WASHC2C: variants seen among roughly 807,000 people sequenced by gnomAD.
The protein encoded by WASHC2C is Vaccinia Penetration Factor.
WASHC2C carries 73 observed loss-of-function variants against 142.2 expected under a neutral mutation model. That is an observed-to-expected ratio of 0.51 (90% CI 0.43 to 0.62). The LOEUF is 0.62. WASHC2C is among the 20% of genes least tolerant of loss of function. The pLI, the probability that WASHC2C is intolerant of heterozygous loss-of-function variation, is 0.00. For synonymous variants in WASHC2C, 337 were observed against 565.5 expected (o/e 0.60, Z 5.73); for missense variants, 969 against 1,531.7 (o/e 0.63, Z 6.13).
At chr10:45,727,368 T>C (rs1335456815) in intron 1 of WASHC2C, 48 bp downstream of exon 1, 6 of 1,605,748 alleles carry the variant, frequency 3.7e-6, no homozygotes, top group Non-Finnish European at 4.2e-6. Context: ...GGGGCCGCCG[T>C]CCCTGCCGCC....
chr10:45,744,588 G>A (rs1416572386), intron 6 of WASHC2C, among the ~76,000 whole-genome samples: 1 of 152,200 alleles, frequency 6.6e-6, no homozygotes, highest in Non-Finnish European at 1.5e-5. Flanking sequence ...TCTTTAAAGA[G>A]TACAAGCAAG....
At chr10:45,738,125 G>T in intron 4 of WASHC2C, 80 bp downstream of exon 4, 1 of 1,611,768 alleles carries the variant, frequency 6.2e-7, no homozygotes, top group Non-Finnish European at 8.5e-7. Flanking sequence ...GTGGGAACTG[G>T]GGGATGGTGG....
intron 8 of WASHC2C, among the ~76,000 whole-genome samples, chr10:45,749,857 T>TTA (rs1199440572): frequency 4.1e-4 from 36 of 88,802 alleles, no homozygotes; most frequent in South Asian, 1.3e-3. Context: ...ATATATATAT[T>TTA]TATATATATA....
intron 25 of WASHC2C, among the ~76,000 whole-genome samples, chr10:45,785,264 A>G (rs2057946068): frequency 6.6e-6 from 1 of 151,848 alleles, no homozygotes; most frequent in Non-Finnish European, 1.5e-5. Context: ...TTTCTATGTC[A>G]TTTTCTCCCC....
chr10:45,743,946 ACC>A (rs1554869786), intron 6 of WASHC2C, among the ~76,000 whole-genome samples: 4 of 150,918 alleles, frequency 2.7e-5, no homozygotes, highest in Non-Finnish European at 5.9e-5. Flanking sequence ...ATGGGGTTTC[ACC>A]ATATTGTCCA....
intron 10 of WASHC2C, 32 bp downstream of exon 10, chr10:45,750,870 G>C (rs1554874129): frequency 1.3e-6 from 2 of 1,544,234 alleles, no homozygotes; most frequent in Non-Finnish European, 1.7e-6. Flanking sequence ...GGGGAGTAGG[G>C]GAGGAGTAGT....
In WASHC2C at chr10:45,789,025, C is replaced by T; in HGVS notation, c.3242C>T (p.Pro1081Leu). 6.2e-7 allele frequency: 1 copy of T among 1,612,032 alleles called. No individual in the cohort carries two copies. ...GCCATTTCCCCAAATGGCCATCGGCCACAGCTCAGAGCAGCCAGTGGAGAA... is the reference window on the plus strand; with the variant it reads ...GCCATTTCCCCAAATGGCCATCGGCTACAGCTCAGAGCAGCCAGTGGAGAA... Reference protein sequence around the residue: ...DGAISPNGHRPQLRAASGEDS... With the variant: ...DGAISPNGHRLQLRAASGEDS... Residue 1081 changes from proline (P) to leucine (L), a missense_variant, in exon 29 of 31, where the codon CCA becomes CTA. Physicochemically the swap from Pro to Leu is moderately conservative, Grantham distance 98 (BLOSUM62 -3). Transcript: ENST00000623400.
intron 10 of WASHC2C, 64 bp downstream of exon 10, chr10:45,750,902 A>T (rs1214973606): frequency 7.0e-7 from 1 of 1,435,766 alleles, no homozygotes; most frequent in East Asian, 2.5e-5. Flanking sequence ...TGCTGGCTTC[A>T]CCAAAGGCGG....
At chr10:45,747,217 T>C (rs1301187761) in intron 8 of WASHC2C, among the ~76,000 whole-genome samples, 11 of 152,224 alleles carry the variant, frequency 7.2e-5, no homozygotes, top group Non-Finnish European at 1.6e-4. Context: ...CTCAGCTCAC[T>C]GCAACCTCCG....
intron 11 of WASHC2C, among the ~76,000 whole-genome samples, chr10:45,751,756 T>C (rs1192726676): frequency 6.6e-6 from 1 of 152,122 alleles, no homozygotes; most frequent in Admixed American, 6.5e-5. Flanking sequence ...GGCGGGTGGA[T>C]CATGAGGTCA....
At chr10:45,730,289 G>A (rs2050394575) in intron 3 of WASHC2C, among the ~76,000 whole-genome samples, 1 of 139,266 alleles carries the variant, frequency 7.2e-6, no homozygotes. Flanking sequence ...GGAGGTTGCG[G>A]TGAGCCGAGA....
In WASHC2C at chr10:45,752,686, T is replaced by C. The variant is rs782760585; in HGVS notation, c.1102T>C (p.Phe368Leu). 5.3e-5 allele frequency: 85 copies of C among 1,610,194 alleles called. 4 individuals are homozygous for C. In the South Asian group the frequency reaches 8.4e-4, roughly 16 times the overall value. Residue 368 changes from phenylalanine to leucine, a missense_variant, in exon 12 of 31, where the codon TTT becomes CTT. By Grantham distance (22) the Phe-to-Leu change is conservative. Transcript: ENST00000623400. The stretch of plus-strand genomic sequence containing the variant: ...CCTGTTCAGTGGCGGCAAGGGGCTA[T>C]TTGATGATGAGGACGAGGAGGTGAG... The part of the protein sequence containing the change: ...GGLFSGGKGL[F>L]DDEDEESDLF...
chr10:45,766,069 G>A (rs1330966667), intron 19 of WASHC2C, among the ~76,000 whole-genome samples: 1 of 152,176 alleles, frequency 6.6e-6, no homozygotes, highest in South Asian at 2.1e-4. Flanking sequence ...GGCCGGCTAG[G>A]GGGGAAATGA....
intron 19 of WASHC2C, among the ~76,000 whole-genome samples, chr10:45,768,286 G>GGA (rs1323281946): frequency 3.4e-5 from 5 of 149,128 alleles, no homozygotes; most frequent in African/African-American, 1.2e-4. Flanking sequence ...TGCTGACAGT[G>GGA]GATCCCAGCT....
In WASHC2C at chr10:45,792,343, T is replaced by C. The variant is rs2058439338; in HGVS notation, c.3969T>C (p.Phe1323=). 1 of 1,565,610 alleles carries C rather than the reference T, an allele frequency of 6.4e-7. No homozygotes were observed. Among genetic ancestry groups the C allele is most frequent in the African/African-American group, 1.4e-5 (1 of 72,756 alleles). ...CACAGGCCGCACCTGAACCAAGATT[T>C]GAACACAAGGTGTCCAACATCTTTG... ...RSAQAAPEPR[F]EHKVSNIFDD... The change falls in exon 31 of 31, where the codon TTT becomes TTC. Residue 1323 remains phenylalanine (F), a synonymous_variant. Transcript: ENST00000623400.
At chr10:45,780,058 G>A (rs1159442016) in intron 23 of WASHC2C, among the ~76,000 whole-genome samples, 57 of 151,630 alleles carry the variant, frequency 3.8e-4, no homozygotes, top group Admixed American at 6.6e-4. Context: ...ACTAGACAGC[G>A]ACATCACCAG....
At chr10:45,729,342 G>A (rs2050272112) in intron 3 of WASHC2C, among the ~76,000 whole-genome samples, 1 of 152,182 alleles carries the variant, frequency 6.6e-6, no homozygotes, top group South Asian at 2.1e-4. Flanking sequence ...GATCTGTAAG[G>A]ACAGCTGTTT....
At chr10:45,727,925 C>T (rs2050085384) in intron 2 of WASHC2C, among the ~76,000 whole-genome samples, 1 of 152,186 alleles carries the variant, frequency 6.6e-6, no homozygotes, top group East Asian at 1.9e-4. Context: ...ATCGGGGGCC[C>T]AAAAAGCTCA....
At chr10:45,763,750 C>T (rs2055422690) in intron 18 of WASHC2C, among the ~76,000 whole-genome samples, 1 of 150,352 alleles carries the variant, frequency 6.7e-6, no homozygotes, top group Admixed American at 6.6e-5. Context: ...CTTTCTCTGT[C>T]ACCCAGGCTG....
Sources: allele counts gnomAD v4.1 joint callset (sites outside exome capture counted in the v4.1 genomes callset), GRCh38; gene constraint gnomAD v4.1.1; transcripts MANE v1.5; gene names NCBI Gene and HGNC (gene_info 2026-07-23, HGNC 2026-07-21).